The following PI4KA variants were observed in gnomAD, a reference collection of about 807,000 sequenced individuals.
PI4KA encodes PI4-kinase alpha.
In PI4KA, 122 loss-of-function variants were observed where a neutral mutation model predicts 271.4. That is an observed-to-expected ratio of 0.45 (90% CI 0.39 to 0.52). PI4KA has a LOEUF of 0.52. PI4KA is among the 20% of genes least tolerant of loss of function. The pLI, the probability that PI4KA is intolerant of heterozygous loss-of-function variation, is 0.00. For missense variants in PI4KA, 1,969 were observed against 2,769.1 expected (o/e 0.71, Z 6.48); for synonymous variants, 1,041 against 1,078.8 (o/e 0.96, Z 0.69).
intron 39 of PI4KA, 27 bp from the exon 40 acceptor site, chr22:20,727,891 T>C (rs1444293726): frequency 6.3e-7 from 1 of 1,580,262 alleles, no homozygotes; most frequent in East Asian, 2.2e-5. Context: ...GTATGGGTGG[T>C]GCTGCCTCGC....
At chr22:20,810,401 T>C (rs1022912235) in intron 9 of PI4KA, among the ~76,000 whole-genome samples, 1 of 151,240 alleles carries the variant, frequency 6.6e-6, no homozygotes, top group Non-Finnish European at 1.5e-5. Flanking sequence ...CCCAGCTACT[T>C]AGGAAGCGGA....
intron 14 of PI4KA, 30 bp downstream of exon 14, chr22:20,801,943 T>C (rs764510021): frequency 6.2e-7 from 1 of 1,612,204 alleles, no homozygotes; most frequent in Non-Finnish European, 8.5e-7. Context: ...GGAGCACTGC[T>C]GTCTACTCGC....
chr22:20,758,382 A>G (rs894547152), intron 23 of PI4KA, among the ~76,000 whole-genome samples: 1 of 148,382 alleles, frequency 6.7e-6, no homozygotes, highest in Non-Finnish European at 1.5e-5. Flanking sequence ...AAAAAAAAAA[A>G]AAAAAAACAT....
chr22:20,851,036 C>A (rs1005038498), intron 1 of PI4KA, among the ~76,000 whole-genome samples: 3 of 152,012 alleles, frequency 2.0e-5, no homozygotes, highest in Non-Finnish European at 2.9e-5. Context: ...AAAAGCAAAA[C>A]TGTCTCCAAA....
chr22:20,844,067 C>A lies in PI4KA; in HGVS notation c.157-5336G>T, dbSNP rs181121918. Among the ~76,000 whole-genome samples, 219 of 152,268 alleles carry A rather than the reference C, an allele frequency of 1.4e-3. 1 individual carries two copies. The highest frequency in any genetic ancestry group is 4.9e-3 in the African/African-American group (202 of 41,548). ...AAACTCTCAAACATTTTCCAGACCC[C>A]AGCAACTTGATGTAATATCTCCCAT... On this transcript the variant is annotated intron_variant, in intron 1 of 54. Transcript: ENST00000255882.
Position 20,846,533 on chromosome 22 carries a change from G to C in PI4KA, c.157-7802C>G, listed in dbSNP as rs1381288992. Among the ~76,000 whole-genome samples the C allele has an allele frequency of 2.6e-5, 4 of 151,976 alleles. No individual in the cohort carries two copies. The East Asian group carries it at 7.7e-4, about 29-fold the overall frequency. ...AACGCACGCTGGGGCCTGTGAGGTG[G>C]GGGAGGGAGAATATCAGGAAAAATA... On this transcript the variant is annotated intron_variant, in intron 1 of 54. Transcript: ENST00000255882.
chr22:20,779,531 G>A, intron 19 of PI4KA: 1 of 1,613,964 alleles, frequency 6.2e-7, no homozygotes, highest in Non-Finnish European at 8.5e-7. Context: ...TTCCAGAGGG[G>A]GAGGAGGACG....
intron 21 of PI4KA, 24 bp from the exon 22 acceptor site, chr22:20,764,974 G>A: frequency 6.3e-7 from 1 of 1,592,948 alleles, no homozygotes; most frequent in Non-Finnish European, 8.6e-7. Flanking sequence ...AACATCCGAG[G>A]GCTCATGGGG....
Position 20,832,548 on chromosome 22 carries a change from G to C in PI4KA, c.367+2014C>G, listed in dbSNP as rs573968396. Among the ~76,000 whole-genome samples, 21 of 152,168 alleles carry C rather than the reference G, an allele frequency of 1.4e-4. No homozygotes were observed. The South Asian group carries it at 3.9e-3, about 29-fold the overall frequency. On this transcript the variant is annotated intron_variant, in intron 3 of 54. Transcript: ENST00000255882. ...AGCTCACTGCAACCTCTACCTCCCAGGTTCAAGCGATTCTCCTGCCTCAGC... is the reference window on the plus strand; with the variant it reads ...AGCTCACTGCAACCTCTACCTCCCACGTTCAAGCGATTCTCCTGCCTCAGC...
intron 52 of PI4KA, 90 bp downstream of exon 52, chr22:20,710,600 ACCTCACTCT>A (rs1247314655): frequency 1.8e-6 from 2 of 1,100,904 alleles, no homozygotes; most frequent in Non-Finnish European, 2.7e-6. Flanking sequence ...GCTAGCACCT[ACCTCACTCT>A]CTGGAACCGG....
intron 4 of PI4KA, among the ~76,000 whole-genome samples, 189 bp downstream of exon 4, chr22:20,824,132 AATAAG>A (rs1457673293): frequency 5.3e-5 from 8 of 152,008 alleles, no homozygotes; most frequent in African/African-American, 1.7e-4. Flanking sequence ...AGAAAAGTTT[AATAAG>A]ATAAGACTCG....
chr22:20,740,953 A>G (rs1181415524), intron 32 of PI4KA, among the ~76,000 whole-genome samples: 1 of 152,228 alleles, frequency 6.6e-6, no homozygotes, highest in Non-Finnish European at 1.5e-5. Context: ...GTTAAAGAAA[A>G]TTACTTGGCA....
intron 2 of PI4KA, 67 bp downstream of exon 2, chr22:20,838,548 T>TA (rs1925164021): frequency 1.1e-6 from 1 of 879,266 alleles, no homozygotes; most frequent in South Asian, 1.4e-5. Flanking sequence ...TATAAGCAGA[T>TA]ACAAACTTAA....
intron 19 of PI4KA, among the ~76,000 whole-genome samples, chr22:20,773,440 C>T (rs868021648): frequency 4.6e-5 from 7 of 152,258 alleles, no homozygotes; most frequent in Middle Eastern, 3.4e-3. Context: ...ATCACAGCCT[C>T]AGAGATCCCC....
intron 26 of PI4KA, 114 bp from the exon 27 acceptor site, chr22:20,751,490 G>T: frequency 9.7e-7 from 1 of 1,026,794 alleles, no homozygotes; most frequent in Non-Finnish European, 1.5e-6. Context: ...CTCCATACTT[G>T]ATGCAACTTA....
At chr22:20,770,038 C>G (rs572267950) in intron 19 of PI4KA, among the ~76,000 whole-genome samples, 1 of 152,114 alleles carries the variant, frequency 6.6e-6, no homozygotes, top group African/African-American at 2.4e-5. Context: ...ATTCCAATTT[C>G]TCTGTGTATG....
At chr22:20,790,767 T>C (rs910313881) in intron 19 of PI4KA, among the ~76,000 whole-genome samples, 14 of 148,492 alleles carry the variant, frequency 9.4e-5, no homozygotes, top group Non-Finnish European at 1.6e-4. Flanking sequence ...CTCTGGAAAT[T>C]AGTTTCTTCC....
chr22:20,820,554 C>G lies in PI4KA; in HGVS notation c.514G>C (p.Glu172Gln). The G allele has an allele frequency of 6.2e-7, 1 of 1,609,650 alleles. No individual in the cohort carries two copies. Among genetic ancestry groups the G allele is most frequent in the Non-Finnish European group, 8.5e-7 (1 of 1,176,706 alleles). ...HVLLGMCQALEIQDKEYLCKY... is the reference protein window; with the variant it reads ...HVLLGMCQALQIQDKEYLCKY... ...ATACTCGTACCTTTGTCTTGAATCTCCAAGGCCTGGCACATCCCCAAGAGG... is the reference window on the plus strand; with the variant it reads ...ATACTCGTACCTTTGTCTTGAATCTGCAAGGCCTGGCACATCCCCAAGAGG... The change falls in exon 5 of 55, where the codon GAG becomes CAG. Residue 172 changes from glutamate to glutamine, a missense_variant. By Grantham distance (29) the Glu-to-Gln change is conservative. This residue lies in a region of PI4KA where 540 missense variants were observed against 555.5 expected (regional missense o/e 0.97). Transcript: ENST00000255882.
intron 28 of PI4KA, among the ~76,000 whole-genome samples, chr22:20,748,932 G>A (rs935113190): frequency 6.6e-6 from 1 of 152,140 alleles, no homozygotes; most frequent in African/African-American, 2.4e-5. Flanking sequence ...GCACGCCAAG[G>A]GGACACCTGG....
Sources: allele counts gnomAD v4.1 joint callset (sites outside exome capture counted in the v4.1 genomes callset), GRCh38; gene constraint gnomAD v4.1.1; regional missense constraint gnomAD v4.1.1; transcripts MANE v1.5; gene names NCBI Gene and HGNC (gene_info 2026-07-23, HGNC 2026-07-21).